CCSER1: variants seen among roughly 807,000 people sequenced by gnomAD.
The protein encoded by CCSER1 is serine-rich coiled-coil domain-containing protein 1.
In CCSER1, 41 loss-of-function variants were observed where a neutral mutation model predicts 82.0. That is an observed-to-expected ratio of 0.50 (90% CI 0.39 to 0.65). CCSER1 has a LOEUF of 0.65. CCSER1 is among the 30% of genes least tolerant of loss of function. CCSER1 has a pLI of 0.00. For synonymous variants in CCSER1, 414 were observed against 383.9 expected (o/e 1.08, Z -0.92); for missense variants, 1,119 against 1,064.2 (o/e 1.05, Z -0.72).
chr4:90,429,084 G>T (rs1757920838), intron 4 of CCSER1, among the ~76,000 whole-genome samples: 1 of 151,660 alleles, frequency 6.6e-6, no homozygotes, highest in Admixed American at 6.6e-5. Context: ...TGTGTGTGTT[G>T]GGGGGTATTA....
chr4:90,351,524 A>G (rs1743429864), intron 3 of CCSER1, among the ~76,000 whole-genome samples: 1 of 152,202 alleles, frequency 6.6e-6, no homozygotes, highest in Admixed American at 6.5e-5. Flanking sequence ...TATAAATGGA[A>G]CAGAATTCCA....
At chr4:90,353,279 A>G (rs569513501) in intron 3 of CCSER1, among the ~76,000 whole-genome samples, 37 of 152,300 alleles carry the variant, frequency 2.4e-4, no homozygotes, top group Admixed American at 6.5e-4. Context: ...ATGCAGAAAC[A>G]TGGTGAGAAT....
At chr4:90,508,263 A>G (rs1172584822) in intron 5 of CCSER1, among the ~76,000 whole-genome samples, 2 of 152,068 alleles carry the variant, frequency 1.3e-5, no homozygotes, top group Non-Finnish European at 2.9e-5. Flanking sequence ...TAAAGGAGGA[A>G]TAAAATTTGG....
chr4:90,178,511 C>G (rs142781621), intron 1 of CCSER1, among the ~76,000 whole-genome samples: 2 of 151,880 alleles, frequency 1.3e-5, no homozygotes, highest in East Asian at 1.9e-4. Context: ...CTGGAAAACT[C>G]GAAGTTCCAA....
chr4:90,387,038 C>T (rs888610340), intron 3 of CCSER1, among the ~76,000 whole-genome samples: 23 of 152,042 alleles, frequency 1.5e-4, no homozygotes, highest in Non-Finnish European at 2.4e-4. Flanking sequence ...GGTAAGCCCT[C>T]ATAAGAGTTA....
intron 9 of CCSER1, among the ~76,000 whole-genome samples, chr4:90,958,675 G>A (rs545601128): frequency 3.9e-5 from 6 of 151,996 alleles, no homozygotes; most frequent in Non-Finnish European, 5.9e-5. Flanking sequence ...TGGAATTCTC[G>A]TGAACAGGAT....
chr4:91,527,201 T>G (rs1760810707), intron 10 of CCSER1, among the ~76,000 whole-genome samples: 1 of 152,198 alleles, frequency 6.6e-6, no homozygotes, highest in Middle Eastern at 3.2e-3. Flanking sequence ...GGTCTTGAAG[T>G]GCATAGCATT....
intron 10 of CCSER1, among the ~76,000 whole-genome samples, chr4:91,109,176 G>A (rs912338244): frequency 2.6e-5 from 4 of 152,088 alleles, no homozygotes; most frequent in African/African-American, 9.7e-5. Flanking sequence ...CTTTGGACTA[G>A]GACTGAGCCA....
chr4:91,339,604 T>C (rs555366497), intron 10 of CCSER1, among the ~76,000 whole-genome samples: 1 of 152,246 alleles, frequency 6.6e-6, no homozygotes, highest in African/African-American at 2.4e-5. Flanking sequence ...AGTTGCAACA[T>C]TCTACATCCT....
chr4:91,455,050 G>A (rs1436636947), intron 10 of CCSER1, among the ~76,000 whole-genome samples: 1 of 151,996 alleles, frequency 6.6e-6, no homozygotes, highest in Non-Finnish European at 1.5e-5. Context: ...GTAATTGCTG[G>A]ATCATGTTTT....
intron 9 of CCSER1, among the ~76,000 whole-genome samples, chr4:90,984,122 T>C (rs112734066): frequency 6.6e-6 from 1 of 151,914 alleles, no homozygotes; most frequent in Admixed American, 6.6e-5. Context: ...TAAGATGAAA[T>C]GCATACTGGA....
At chr4:90,586,223 C>T (rs1782002172) in intron 5 of CCSER1, among the ~76,000 whole-genome samples, 1 of 152,094 alleles carries the variant, frequency 6.6e-6, no homozygotes, top group African/African-American at 2.4e-5. Flanking sequence ...ACCTAGGTTG[C>T]GTGCTCCTTG....
intron 10 of CCSER1, among the ~76,000 whole-genome samples, chr4:91,198,424 C>T (rs1383557046): frequency 6.6e-6 from 1 of 151,784 alleles, no homozygotes; most frequent in Admixed American, 6.6e-5. Flanking sequence ...ATCAGGGTTG[C>T]AAAACATAAA....
intron 7 of CCSER1, among the ~76,000 whole-genome samples, chr4:90,726,140 T>G (rs919464337): frequency 6.6e-6 from 1 of 151,952 alleles, no homozygotes; most frequent in South Asian, 2.1e-4. Context: ...CTAGAAGAAA[T>G]GTATTTACTC....
chr4:91,300,180 C>T lies in CCSER1; in HGVS notation c.2217+214186C>T, dbSNP rs1244626971. 2.6e-5 allele frequency among the ~76,000 whole-genome samples: 4 copies of T among 151,960 alleles called. No homozygotes were observed. In the South Asian group the frequency reaches 8.3e-4, roughly 32 times the overall value. On this transcript the variant is annotated intron_variant, in intron 10 of 10. Transcript: ENST00000509176. The stretch of plus-strand genomic sequence containing the variant: ...AGGGAGGCCTGTTATAAAATTATTA[C>T]AAGCAATATTTATATGATCACATAT...
intron 9 of CCSER1, among the ~76,000 whole-genome samples, chr4:91,002,658 C>CT: frequency 6.6e-6 from 1 of 152,018 alleles, no homozygotes; most frequent in Middle Eastern, 3.4e-3. Flanking sequence ...CTTCTTGTAT[C>CT]TTTTTTAAAA....
At chr4:91,503,056 T>C (rs999033252) in intron 10 of CCSER1, among the ~76,000 whole-genome samples, 2 of 152,086 alleles carry the variant, frequency 1.3e-5, no homozygotes, top group East Asian at 1.9e-4. Flanking sequence ...ATAAGAAAGA[T>C]TTGCAGCCAG....
At position 90,629,583 on chromosome 4, in the gene CCSER1, T is replaced by C. The variant is rs77042377; in HGVS notation, c.1932+1351T>C. Among the ~76,000 whole-genome samples, 468 of 152,172 alleles carry C rather than the reference T, an allele frequency of 3.1e-3. 8 individuals are homozygous for C. The highest frequency in any genetic ancestry group is 0.022 in the East Asian group (114 of 5,172). On this transcript the variant is annotated intron_variant, in intron 6 of 10. Coordinates refer to ENST00000509176, the MANE Select transcript of CCSER1 (RefSeq NM_001145065.2). The stretch of plus-strand genomic sequence containing the variant: ...ACCTGCCTCCCCCACCCTTGACACA[T>C]AGGGATTATTATGATTAAAGCTGAG...
chr4:91,280,654 GT>G (rs968342127), intron 10 of CCSER1, among the ~76,000 whole-genome samples: 1 of 152,164 alleles, frequency 6.6e-6, no homozygotes, highest in African/African-American at 2.4e-5. Flanking sequence ...TAAACAAGTG[GT>G]TTAGGAGTGA....
Sources: allele counts gnomAD v4.1 joint callset (sites outside exome capture counted in the v4.1 genomes callset), GRCh38; gene constraint gnomAD v4.1.1; transcripts MANE v1.5; gene names NCBI Gene and HGNC (gene_info 2026-07-23, HGNC 2026-07-21).